CADPS: variants seen among roughly 807,000 people sequenced by gnomAD.
CADPS encodes the protein calcium-dependent secretion activator 1.
In CADPS, 57 loss-of-function variants were observed where a neutral mutation model predicts 167.3. That is an observed-to-expected ratio of 0.34 (90% CI 0.28 to 0.42). CADPS has a LOEUF of 0.42. CADPS is among the 20% of genes least tolerant of loss of function. The pLI is 1.00. For synonymous variants in CADPS, 676 were observed against 635.3 expected (o/e 1.06, Z -0.96); for missense variants, 1,414 against 1,738.1 (o/e 0.81, Z 3.32).
intron 6 of CADPS, among the ~76,000 whole-genome samples, chr3:62,640,100 G>A (rs376928670): frequency 1.2e-4 from 18 of 152,332 alleles, no homozygotes; most frequent in Middle Eastern, 3.4e-3. Context: ...CCCAGCACTG[G>A]TTGGACATAA....
At chr3:62,434,648 A>C (rs2054621668) in intron 28 of CADPS, among the ~76,000 whole-genome samples, 1 of 152,208 alleles carries the variant, frequency 6.6e-6, no homozygotes, top group African/African-American at 2.4e-5. Context: ...CTATGCCGAT[A>C]ATCTCCCACA....
chr3:62,682,801 T>A (rs2077361752), intron 3 of CADPS, among the ~76,000 whole-genome samples: 2 of 152,134 alleles, frequency 1.3e-5, no homozygotes, highest in South Asian at 4.1e-4. Context: ...TGTTTTTTCC[T>A]CATGGAACTG....
At chr3:62,780,258 T>C (rs2091310255) in intron 1 of CADPS, among the ~76,000 whole-genome samples, 1 of 151,962 alleles carries the variant, frequency 6.6e-6, no homozygotes, top group Non-Finnish European at 1.5e-5. Context: ...CCTCAAAACT[T>C]TTTCAAAAAA....
chr3:62,619,442 A>G (rs1183755661), intron 6 of CADPS, among the ~76,000 whole-genome samples: 1 of 152,196 alleles, frequency 6.6e-6, no homozygotes, highest in East Asian at 1.9e-4. Flanking sequence ...GTTTCAATAC[A>G]AAAATGTTTC....
intron 3 of CADPS, among the ~76,000 whole-genome samples, chr3:62,682,977 A>C (rs963140387): frequency 1.3e-5 from 2 of 152,068 alleles, no homozygotes; most frequent in Admixed American, 6.6e-5. Context: ...AACCAGGCAA[A>C]GAGAAGTGAA....
In CADPS at chr3:62,465,501, C is replaced by G. The variant is rs1431712420; in HGVS notation, c.3553-51G>C. On this transcript the variant is annotated intron_variant, in intron 25 of 29. Coordinates refer to ENST00000383710, the MANE Select transcript of CADPS (RefSeq NM_003716.4). The surrounding 1 kb of genome is among the most constrained non-coding windows in gnomAD (Gnocchi z 4.1). ...AATGTTATTTCAAACTATAATTGTT[C>G]ACCATAAAGCACATCATTTCCCCAC... 8.1e-7 allele frequency: 1 copy of G among 1,227,628 alleles called. No homozygotes were observed. The highest frequency in any genetic ancestry group is 1.2e-6 in the Non-Finnish European group (1 of 854,118). 76.0% of individuals were successfully genotyped at this position (1,227,628 alleles called of 1,614,324 possible).
intron 3 of CADPS, among the ~76,000 whole-genome samples, chr3:62,691,204 T>C (rs2079045663): frequency 6.6e-6 from 1 of 152,016 alleles, no homozygotes; most frequent in South Asian, 2.1e-4. Flanking sequence ...CAGAGGATTT[T>C]TTAGGACAGC....
intron 3 of CADPS, among the ~76,000 whole-genome samples, chr3:62,683,648 A>AT (rs1200987491): frequency 1.3e-5 from 2 of 152,012 alleles, no homozygotes; most frequent in East Asian, 1.9e-4. Flanking sequence ...ACCTCATTAG[A>AT]TTTTTTCCCA....
intron 3 of CADPS, among the ~76,000 whole-genome samples, chr3:62,741,751 A>C (rs897242058): frequency 7.2e-5 from 11 of 152,210 alleles, no homozygotes; most frequent in Middle Eastern, 6.8e-3. Context: ...TCTATCCAAC[A>C]CTGTATCGGA....
chr3:62,802,398 C>G (rs974985969), intron 1 of CADPS, among the ~76,000 whole-genome samples: 1 of 152,126 alleles, frequency 6.6e-6, no homozygotes, highest in Non-Finnish European at 1.5e-5. Flanking sequence ...TTACCTAATT[C>G]ACTTCTACTC....
At chr3:62,475,927 A>C (rs1169075275) in intron 23 of CADPS, among the ~76,000 whole-genome samples, 2 of 152,178 alleles carry the variant, frequency 1.3e-5, no homozygotes, top group African/African-American at 4.8e-5. Context: ...AGAACTGTTC[A>C]TAGCCCTTGG....
chr3:62,474,723 C>T (rs2061053220), intron 23 of CADPS, among the ~76,000 whole-genome samples: 2 of 152,196 alleles, frequency 1.3e-5, no homozygotes, highest in South Asian at 4.1e-4. Flanking sequence ...AAAACCAAAG[C>T]AGTTTTTAAT....
At chr3:62,629,757 G>GTTTTTTTT (rs55956118) in intron 6 of CADPS, among the ~76,000 whole-genome samples, 2 of 145,672 alleles carry the variant, frequency 1.4e-5, no homozygotes, top group Admixed American at 6.9e-5. Flanking sequence ...CTCTGGTACA[G>GTTTTTTTT]TTTTTTTTTT....
intron 17 of CADPS, among the ~76,000 whole-genome samples, chr3:62,511,500 C>T (rs2067812703): frequency 6.6e-6 from 1 of 152,070 alleles, no homozygotes. Context: ...TAATAATATG[C>T]TTAGAATCAT....
At chr3:62,591,273 C>T (rs1332849867) in intron 7 of CADPS, among the ~76,000 whole-genome samples, 1 of 152,136 alleles carries the variant, frequency 6.6e-6, no homozygotes, top group Admixed American at 6.5e-5. Flanking sequence ...AGACAGAAGC[C>T]TGAATGTCTG....
Position 62,601,225 on chromosome 3 carries a change from T to C in CADPS, c.1326-8477A>G, listed in dbSNP as rs563015375. 3.3e-5 allele frequency among the ~76,000 whole-genome samples: 5 copies of C among 152,338 alleles called. No homozygotes were observed. In the South Asian group the frequency reaches 1.0e-3, roughly 32 times the overall value. On this transcript the variant is annotated intron_variant, in intron 6 of 29. Transcript: ENST00000383710. This position sits in a 1 kb window ranked among gnomAD's most constrained non-coding sequence, Gnocchi z 4.3. ...ATATTTGCAACACATGAATATTATA[T>C]GAAATTCAAATTTTGATGCCCATCA... is the stretch of plus-strand genomic sequence containing the variant.
At position 62,544,017 on chromosome 3, in the gene CADPS, G is replaced by T. The variant is rs541282163; in HGVS notation, c.1966+5886C>A. ...GTTATTGTTGTCATTGTTCTTGGGG[G>T]AGTAGCAGAATGACATTTGATACCA... On this transcript the variant is annotated intron_variant, in intron 11 of 29. Transcript: ENST00000383710. This position sits in a 1 kb window ranked among gnomAD's most constrained non-coding sequence, Gnocchi z 4.4. Among the ~76,000 whole-genome samples the T allele has an allele frequency of 4.6e-5, 7 of 152,090 alleles. No individual in the cohort carries two copies. Among genetic ancestry groups the T allele is most frequent in the South Asian group, 2.1e-4 (1 of 4,804 alleles).
In CADPS at chr3:62,797,309, C is replaced by T. The variant is rs1365511729; in HGVS notation, c.442-31325G>A. Among the ~76,000 whole-genome samples, 4 of 152,048 alleles carry T rather than the reference C, an allele frequency of 2.6e-5. No individual in the cohort carries two copies. In the East Asian group the frequency reaches 5.8e-4, roughly 22 times the overall value. On this transcript the variant is annotated intron_variant, in intron 1 of 29. Transcript: ENST00000383710. ...TGTGTCCTGTGACGGTGTTTGGTTTCCTCATGGGTAGAGATCAAGTCTTGC... is the reference window on the plus strand; with the variant it reads ...TGTGTCCTGTGACGGTGTTTGGTTTTCTCATGGGTAGAGATCAAGTCTTGC...
chr3:62,731,844 A>AAGG, intron 3 of CADPS, among the ~76,000 whole-genome samples: 1 of 119,950 alleles, frequency 8.3e-6, no homozygotes, highest in African/African-American at 3.5e-5. Context: ...AAGAAGGAAG[A>AAGG]AAGGAAAGAA....
Sources: gnomAD v4.1 joint callset for allele counts (sites outside exome capture counted in the v4.1 genomes callset) on GRCh38, gnomAD v4.1.1 for gene constraint, Gnocchi (gnomAD v3.1) non-coding constraint, MANE v1.5 for transcripts, NCBI Gene and HGNC (gene_info 2026-07-23, HGNC 2026-07-21) for gene names.